GAB3: variants seen among roughly 807,000 people sequenced by gnomAD.
The protein encoded by GAB3 is GRB2 associated binding protein 3, also known as GRB2-associated-binding protein 3.
In GAB3, 12 loss-of-function variants were observed where a neutral mutation model predicts 40.4. The observed-to-expected ratio is 0.30, with a 90% confidence interval of 0.19 to 0.48. The LOEUF is 0.48. Ranked by LOEUF, GAB3 falls within the 20% of genes least tolerant of loss-of-function variation. The pLI, the probability that GAB3 is intolerant of heterozygous loss-of-function variation, is 0.99. For missense variants in GAB3, 381 were observed against 461.9 expected (o/e 0.82, Z 1.61); for synonymous variants, 154 against 176.7 (o/e 0.87, Z 1.02).
intron 4 of GAB3, among the ~76,000 whole-genome samples, chrX:154,711,261 G>A (rs782542335): frequency 1.9e-3 from 214 of 112,207 alleles, no homozygotes; most frequent in African/African-American, 6.6e-3. Flanking sequence ...AAAGAAAAAA[G>A]GAGAAAGACA....
intron 8 of GAB3, among the ~76,000 whole-genome samples, chrX:154,693,861 G>A (rs73641107): frequency 0.013 from 1,486 of 111,816 alleles, 27 homozygotes; most frequent in African/African-American, 0.047. Flanking sequence ...GCTTGAAAAA[G>A]TGATAGAGAA....
At chrX:154,709,953 G>A (rs5945232) in intron 4 of GAB3, among the ~76,000 whole-genome samples, 3 of 110,899 alleles carry the variant, frequency 2.7e-5, no homozygotes, top group African/African-American at 9.8e-5. Flanking sequence ...AGGTAAATGA[G>A]AATATGTTGG....
chrX:154,700,082 G>C, intron 4 of GAB3, 23 bp from the exon 5 acceptor site: 2 of 1,167,009 alleles, frequency 1.7e-6, no homozygotes, highest in Non-Finnish European at 2.3e-6. Context: ...AGCCAAGGTG[G>C]TGAGAAATGC....
chrX:154,727,003 A>G (rs1308640011), intron 1 of GAB3, among the ~76,000 whole-genome samples: 2 of 112,291 alleles, frequency 1.8e-5, no homozygotes, highest in African/African-American at 6.5e-5. Flanking sequence ...CCATAAATTC[A>G]TTCTTAACAA....
intron 1 of GAB3, among the ~76,000 whole-genome samples, chrX:154,740,794 C>T (rs2071424482): frequency 8.9e-6 from 1 of 112,383 alleles, no homozygotes; most frequent in Non-Finnish European, 1.9e-5. Context: ...AGAATTCTCA[C>T]TTAAGCTGAA....
intron 4 of GAB3, among the ~76,000 whole-genome samples, chrX:154,700,946 A>T (rs1174493078): frequency 9.0e-6 from 1 of 111,646 alleles, no homozygotes; most frequent in Non-Finnish European, 1.9e-5. Flanking sequence ...AAAAGATGTG[A>T]CAGAGACTGA....
intron 8 of GAB3, among the ~76,000 whole-genome samples, chrX:154,695,323 G>A (rs2070639971): frequency 8.9e-6 from 1 of 111,812 alleles, no homozygotes; most frequent in South Asian, 3.8e-4. Flanking sequence ...CAGGCTAGAA[G>A]GGAAACATCA....
chrX:154,680,211 G>C lies in GAB3; in HGVS notation c.1568C>G (p.Ala523Gly). The part of the protein sequence containing the change: ...HRTASSLSSG[A>G]LTWTKKFSLD... ...GCTGAATTTCTTTGTCCACGTAAGG[G>C]CACCACTGCTCAGGGAACTGGCTGT... The change falls in exon 9 of 10, where the codon GCC becomes GGC. Residue 523 changes from alanine to glycine, a missense_variant. Ala to Gly is a moderately conservative substitution (Grantham distance 60). Around this residue, in one of 2 missense-constraint regions of GAB3, gnomAD observed 364 missense variants for 421.0 expected, o/e 0.86. Coordinates refer to ENST00000424127, the MANE Select transcript of GAB3 (RefSeq NM_001081573.3). The C allele has an allele frequency of 8.3e-7, 1 of 1,208,660 alleles. No homozygotes were observed. Among genetic ancestry groups the C allele is most frequent in the Non-Finnish European group, 1.1e-6 (1 of 893,460 alleles).
chrX:154,746,069 A>G (rs895832852), intron 1 of GAB3, among the ~76,000 whole-genome samples: 10 of 109,238 alleles, frequency 9.2e-5, no homozygotes, highest in Admixed American at 4.9e-4. Context: ...AAAAAAAAAA[A>G]AAAGAAAGAA....
chrX:154,710,744 T>C (rs925976861), intron 4 of GAB3, among the ~76,000 whole-genome samples: 2 of 112,555 alleles, frequency 1.8e-5, no homozygotes, highest in African/African-American at 3.2e-5. Context: ...CTTTGTTTCA[T>C]GGTCAAAACC....
chrX:154,715,758 T>A (rs963655943), intron 2 of GAB3, among the ~76,000 whole-genome samples: 12 of 112,115 alleles, frequency 1.1e-4, no homozygotes, highest in Admixed American at 3.8e-4. Flanking sequence ...TCACTGTGGC[T>A]GAATGAGAGC....
chrX:154,749,199 G>A (rs990997399), intron 1 of GAB3, among the ~76,000 whole-genome samples: 1 of 111,870 alleles, frequency 8.9e-6, no homozygotes, highest in African/African-American at 3.3e-5. Flanking sequence ...AATGAACCGC[G>A]TGTGATAATA....
intron 4 of GAB3, among the ~76,000 whole-genome samples, chrX:154,705,537 C>T (rs1044466276): frequency 9.0e-6 from 1 of 110,616 alleles, no homozygotes; most frequent in Admixed American, 9.6e-5. Context: ...AATTCAACAT[C>T]CCTTCATGAT....
chrX:154,679,300 G>A (rs1557246272), intron 9 of GAB3: 1 of 333,106 alleles, frequency 3.0e-6, no homozygotes, highest in South Asian at 2.7e-5. Flanking sequence ...TCTTGCCTCG[G>A]CCCTGGACTG....
chrX:154,712,021 TAGA>T (rs1211325970), intron 4 of GAB3, among the ~76,000 whole-genome samples: 7 of 112,173 alleles, frequency 6.2e-5, no homozygotes, highest in African/African-American at 2.3e-4. Flanking sequence ...CCAGCCCCAT[TAGA>T]AGATCAGGCC....
At chrX:154,695,651 T>C (rs1557250468) in intron 8 of GAB3, among the ~76,000 whole-genome samples, 1 of 112,620 alleles carries the variant, frequency 8.9e-6, no homozygotes, top group Non-Finnish European at 1.9e-5. Context: ...GGCATTTCCA[T>C]TTTCAAATTA....
intron 8 of GAB3, among the ~76,000 whole-genome samples, chrX:154,684,168 T>G (rs146786934): frequency 8.9e-6 from 1 of 112,155 alleles, no homozygotes; most frequent in Non-Finnish European, 1.9e-5. Flanking sequence ...AGCTTTCTAC[T>G]TATGTAATTG....
chrX:154,734,198 C>G (rs1175994149), intron 1 of GAB3, among the ~76,000 whole-genome samples: 2 of 112,743 alleles, frequency 1.8e-5, no homozygotes, highest in Non-Finnish European at 3.8e-5. Flanking sequence ...CTGGAAGCCT[C>G]TAACAGGAAG....
intron 1 of GAB3, among the ~76,000 whole-genome samples, chrX:154,737,141 G>A (rs188553735): frequency 2.2e-3 from 245 of 111,550 alleles, no homozygotes; most frequent in Non-Finnish European, 4.0e-3. Flanking sequence ...AGAAAGACTC[G>A]GAAGCCCCAC....
Sources: gnomAD v4.1 joint callset for allele counts (sites outside exome capture counted in the v4.1 genomes callset) on GRCh38, gnomAD v4.1.1 for gene constraint, gnomAD v4.1.1 regional missense constraint, MANE v1.5 for transcripts, NCBI Gene and HGNC (gene_info 2026-07-23, HGNC 2026-07-21) for gene names.